Variants in FOXP1 observed in about 807,000 individuals in gnomAD.
FOXP1 encodes the protein forkhead box P1.
A neutral mutation model predicts 98.2 loss-of-function variants in FOXP1; 15 were observed. The observed-to-expected ratio is 0.15, with a 90% CI of 0.10 to 0.24. The LOEUF (loss-of-function observed/expected upper bound fraction) is 0.24, where lower values mean the gene tolerates loss of function less well. Ranked by LOEUF, FOXP1 falls within the 10% of genes least tolerant of loss-of-function variation. FOXP1 has a pLI of 1.00. For missense variants in FOXP1, 633 were observed against 848.5 expected, an observed-to-expected ratio of 0.75 and a Z score of 3.15; for synonymous variants, 371 against 314.5, an observed-to-expected ratio of 1.18 and a Z score of -1.90.
intron 3 of FOXP1, chr3:71,360,435 T>C (rs559257109): frequency 6.6e-6 from 1 of 152,324 alleles, no homozygotes; most frequent in Non-Finnish European, 1.5e-5. Context: ...GTGCTGAGAC[T>C]GCAAAGCTTT....
At chr3:70,972,248 G>C (rs906014277) in intron 18 of FOXP1, 10 of 1,321,272 alleles carry the variant, frequency 7.6e-6, no homozygotes, top group African/African-American at 1.5e-5. Flanking sequence ...GGGCAGAACA[G>C]ACATCCAATA....
At chr3:71,326,849 G>A (rs1227840889) in intron 4 of FOXP1, among the ~76,000 whole-genome samples, 3 of 152,156 alleles carry the variant, frequency 2.0e-5, no homozygotes, top group African/African-American at 7.2e-5. Context: ...ATGAACTCCG[G>A]ATGAACTGGT....
chr3:70,955,906 C>G lies in FOXP1; in HGVS notation c.*3341G>C. On this transcript the variant is annotated 3_prime_UTR_variant, in exon 21 of 21. Transcript: ENST00000649528. ...AATGAGAACAGAAAAAAGAAATCTT[C>G]AACTATGTTACAGTTTAAAAGCAGA... 2 of 232,704 alleles carry G rather than the reference C, an allele frequency of 8.6e-6. No individual in the cohort carries two copies. Among genetic ancestry groups the G allele is most frequent in the Non-Finnish European group, 8.5e-6 (1 of 117,944 alleles). The allele number at this position is 232,704 out of a possible 1,614,324, so 14.4% of individuals were successfully genotyped here.
intron 3 of FOXP1, among the ~76,000 whole-genome samples, chr3:71,415,582 C>T (rs963351564): frequency 1.3e-5 from 2 of 151,990 alleles, no homozygotes; most frequent in African/African-American, 4.8e-5. Flanking sequence ...GTGGCTTTAA[C>T]GGCACAGGAC....
chr3:70,979,566 G>A (rs185480953), intron 14 of FOXP1, among the ~76,000 whole-genome samples: 55 of 151,748 alleles, frequency 3.6e-4, no homozygotes, highest in Admixed American at 3.5e-3. Context: ...AGGCTTACTT[G>A]GTAATATTTT....
intron 19 of FOXP1, chr3:70,968,358 A>C (rs969682282): frequency 6.8e-6 from 1 of 146,266 alleles, no homozygotes; most frequent in Non-Finnish European, 1.5e-5. Context: ...TCTGCCTAAC[A>C]AAGTGTTTTT....
At chr3:71,139,821 G>C (rs2059984329) in intron 6 of FOXP1, among the ~76,000 whole-genome samples, 1 of 152,200 alleles carries the variant, frequency 6.6e-6, no homozygotes, top group African/African-American at 2.4e-5. Context: ...ATGGGAAAAG[G>C]TGAACAGGTA....
chr3:71,559,189 G>A (rs952666508), intron 2 of FOXP1, among the ~76,000 whole-genome samples: 1 of 152,134 alleles, frequency 6.6e-6, no homozygotes, highest in African/African-American at 2.4e-5. Flanking sequence ...AGGAATCACT[G>A]AGAACTCAAT....
chr3:71,536,981 C>T (rs1436478509), intron 2 of FOXP1, among the ~76,000 whole-genome samples: 1 of 152,146 alleles, frequency 6.6e-6, no homozygotes, highest in East Asian at 1.9e-4. Context: ...CCACCTGAGC[C>T]ATGGAGGGAA....
intron 6 of FOXP1, among the ~76,000 whole-genome samples, chr3:71,169,662 A>G (rs2061552960): frequency 3.3e-5 from 5 of 151,582 alleles, no homozygotes; most frequent in Admixed American, 2.0e-4. Context: ...TGCATTAGAA[A>G]TGTTCTTTTG....
intron 3 of FOXP1, among the ~76,000 whole-genome samples, chr3:71,417,087 A>G (rs1370543180): frequency 1.3e-5 from 2 of 152,214 alleles, no homozygotes; most frequent in East Asian, 3.9e-4. Context: ...AAAAAACTAG[A>G]GGAGGTCCTT....
At position 71,288,592 on chromosome 3, in the gene FOXP1, G is replaced by T. The variant is rs1023046491; in HGVS notation, c.-12+11228C>A. On this transcript the variant is annotated intron_variant, in intron 5 of 20. Coordinates refer to ENST00000649528, the MANE Select transcript of FOXP1 (RefSeq NM_001349338.3). ...TACAATCGACATATTCTAAGTTAGG[G>T]CTATAAACACATCCCACTTTCCTCT... Among the ~76,000 whole-genome samples, 13 of 152,132 alleles carry T rather than the reference G, an allele frequency of 8.5e-5. No homozygotes were observed. In the East Asian group the frequency reaches 1.9e-3, roughly 22 times the overall value.
chr3:71,025,259 C>T (rs75745044), intron 11 of FOXP1, among the ~76,000 whole-genome samples: 357 of 152,172 alleles, frequency 2.3e-3, no homozygotes, highest in Middle Eastern at 0.01. Flanking sequence ...CCTTCCTTTC[C>T]CATTGCTATT....
intron 2 of FOXP1, among the ~76,000 whole-genome samples, chr3:71,568,734 C>A (rs2047107383): frequency 6.6e-6 from 1 of 152,058 alleles, no homozygotes; most frequent in Non-Finnish European, 1.5e-5. Context: ...GCAACCTCTG[C>A]CTCCCCGGTT....
intron 7 of FOXP1, among the ~76,000 whole-genome samples, chr3:71,085,963 C>T (rs1378217640): frequency 1.3e-5 from 2 of 151,394 alleles, no homozygotes; most frequent in Non-Finnish European, 2.9e-5. Context: ...CTCTTGACCT[C>T]GTGATCTGCC....
At chr3:71,576,999 A>G (rs1218856908) in intron 2 of FOXP1, among the ~76,000 whole-genome samples, 2 of 152,154 alleles carry the variant, frequency 1.3e-5, no homozygotes, top group South Asian at 4.1e-4. Flanking sequence ...AAAAAGAAAA[A>G]CAAGCCTTGC....
At chr3:71,558,842 G>A (rs1338460449) in intron 2 of FOXP1, among the ~76,000 whole-genome samples, 6 of 122,084 alleles carry the variant, frequency 4.9e-5, no homozygotes, top group East Asian at 4.5e-4. Context: ...TCGCTCTTTC[G>A]CCCAGGCTGG....
chr3:71,440,838 C>T (rs1265889406), intron 3 of FOXP1, among the ~76,000 whole-genome samples: 3 of 152,138 alleles, frequency 2.0e-5, no homozygotes, highest in Admixed American at 6.5e-5. Flanking sequence ...ACATTTCAGC[C>T]TGGGTGACAC....
chr3:71,400,363 AT>A (rs34221027), intron 3 of FOXP1, among the ~76,000 whole-genome samples: 87,804 of 150,216 alleles, frequency 0.58, 28,057 homozygotes, highest in Non-Finnish European at 0.73. Flanking sequence ...TTTATGTATG[AT>A]TTTTTTTTTT....
Sources: allele counts gnomAD v4.1 joint callset (sites outside exome capture counted in the v4.1 genomes callset), GRCh38; gene constraint gnomAD v4.1.1; transcripts MANE v1.5; gene names NCBI Gene and HGNC (gene_info 2026-07-23, HGNC 2026-07-21).